The following MPP7 variants were observed in gnomAD, a reference collection of about 807,000 sequenced individuals.
The protein encoded by MPP7 is MAGUK p55 scaffold protein 7.
MPP7 carries 60 observed loss-of-function variants against 76.5 expected under a neutral mutation model. The ratio of observed to expected loss-of-function variants is 0.78; its 90% CI spans 0.64 to 0.97. MPP7 has a LOEUF of 0.97. Among genes scored for constraint, MPP7 ranks in the 50% least tolerant of loss-of-function variants. The pLI, the probability that MPP7 is intolerant of heterozygous loss-of-function variation, is 0.00. For synonymous variants in MPP7, 237 were observed against 244.5 expected (o/e 0.97, Z 0.29); for missense variants, 641 against 694.0 (o/e 0.92, Z 0.86).
At chr10:28,124,562 G>A (rs960575154) in intron 7 of MPP7, among the ~76,000 whole-genome samples, 2 of 121,216 alleles carry the variant, frequency 1.6e-5, no homozygotes, top group Non-Finnish European at 3.2e-5. Context: ...CGCAACCTCC[G>A]CCTCCCAGGT....
intron 2 of MPP7, among the ~76,000 whole-genome samples, chr10:28,218,224 T>TG (rs1455275363): frequency 6.6e-6 from 1 of 152,018 alleles, no homozygotes; most frequent in African/African-American, 2.4e-5. Context: ...AATCGGACGC[T>TG]GGAAAGGAGT....
intron 5 of MPP7, among the ~76,000 whole-genome samples, chr10:28,140,477 C>T (rs907261538): frequency 6.6e-6 from 1 of 151,406 alleles, no homozygotes; most frequent in Non-Finnish European, 1.5e-5. Flanking sequence ...CGCCACTGTA[C>T]GTCAGCCTGG....
In MPP7 at chr10:28,102,067, A is replaced by G. The variant is rs558689425; in HGVS notation, c.953-12226T>C. Among the ~76,000 whole-genome samples the G allele has an allele frequency of 2.1e-5, 3 of 144,194 alleles. No individual in the cohort carries two copies. The South Asian group carries it at 7.3e-4, about 35-fold the overall frequency. 94.6% of individuals were successfully genotyped at this position (144,194 alleles called of 152,430 possible). A position where few individuals can be genotyped will look rare whatever the true frequency, so the allele number is the denominator to read the frequency against. On this transcript the variant is annotated intron_variant, in intron 11 of 16. Transcript: ENST00000683449. ...GCAGCCCTTGACTTGCGGACATTCA[A>G]CTTTAAATGGTGTAAATTTCTGCAA...
At chr10:28,124,153 C>T in intron 7 of MPP7, 37 bp from the exon 8 acceptor site, 3 of 1,362,582 alleles carry the variant, frequency 2.2e-6, no homozygotes, top group East Asian at 2.3e-5. Context: ...AGCAGTGTTA[C>T]CCACAACCAA....
rs184797455 is a variant in MPP7, at chr10:28,160,751, G to A, written c.157-10692C>T. Among the ~76,000 whole-genome samples the A allele has an allele frequency of 4.6e-4, 70 of 152,188 alleles. 1 individual carries two copies. The highest frequency in any genetic ancestry group is 4.5e-3 in the Admixed American group (69 of 15,278). ...TTAATACTTTTTCCCTTACAAACAC[G>A]GTCTTCTGAATCTGGCAATTTACCT... On this transcript the variant is annotated intron_variant, in intron 3 of 16. Transcript: ENST00000683449.
intron 2 of MPP7, 23 bp from the exon 3 acceptor site, chr10:28,202,294 A>C (rs757482610): frequency 1.3e-6 from 2 of 1,534,188 alleles, no homozygotes; most frequent in Non-Finnish European, 1.8e-6. Context: ...AATAAAACAC[A>C]AAGTGTAATC....
chr10:28,055,828 G>C (rs10508729), intron 16 of MPP7, among the ~76,000 whole-genome samples: 3,692 of 152,194 alleles, frequency 0.024, 98 homozygotes, highest in East Asian at 0.12. Context: ...TTATACAAAT[G>C]TTCAGCCTAC....
At chr10:28,118,721 T>A (rs1834735126) in intron 11 of MPP7, 3 of 985,342 alleles carry the variant, frequency 3.0e-6, no homozygotes, top group Non-Finnish European at 1.2e-6. Context: ...TGCTCCACTT[T>A]AAGCATTTGC....
chr10:28,098,940 G>A (rs1284057931), intron 11 of MPP7, among the ~76,000 whole-genome samples: 2 of 151,996 alleles, frequency 1.3e-5, no homozygotes, highest in East Asian at 1.9e-4. Context: ...TTACAGTTTC[G>A]AAACTTACAA....
chr10:28,300,574 C>CATAA (rs987231409), intron 1 of MPP7, among the ~76,000 whole-genome samples: 1 of 151,986 alleles, frequency 6.6e-6, no homozygotes, highest in African/African-American at 2.4e-5. Flanking sequence ...GAAGAGTTGC[C>CATAA]TTATATGTTA....
chr10:28,288,711 A>C (rs1840842927), intron 1 of MPP7, among the ~76,000 whole-genome samples: 1 of 152,154 alleles, frequency 6.6e-6, no homozygotes, highest in African/African-American at 2.4e-5. Flanking sequence ...TGCAGCTCCA[A>C]GGATATGGAG....
chr10:28,281,620 T>G (rs543112517), intron 1 of MPP7, among the ~76,000 whole-genome samples: 1 of 152,210 alleles, frequency 6.6e-6, no homozygotes, highest in South Asian at 2.1e-4. Flanking sequence ...ATACTGTTAA[T>G]TAATAATAGC....
chr10:28,054,386 C>A, intron 16 of MPP7, 142 bp from the exon 17 acceptor site: 1 of 571,716 alleles, frequency 1.7e-6, no homozygotes, highest in Non-Finnish European at 3.0e-6. Flanking sequence ...AAGTCATCCT[C>A]TTTAACCACA....
intron 11 of MPP7, among the ~76,000 whole-genome samples, chr10:28,113,650 C>A (rs1235806466): frequency 6.6e-6 from 1 of 152,130 alleles, no homozygotes; most frequent in Admixed American, 6.5e-5. Flanking sequence ...ACAGCCACGA[C>A]CACCTCCCCT....
intron 2 of MPP7, among the ~76,000 whole-genome samples, chr10:28,321,907 A>G (rs1834371777): frequency 6.6e-6 from 1 of 150,890 alleles, no homozygotes; most frequent in Non-Finnish European, 1.5e-5. Flanking sequence ...GAATTTATTT[A>G]GACTGCATTA....
upstream of MPP7, among the ~76,000 whole-genome samples, chr10:28,303,776 T>C (rs1000409508): frequency 6.6e-6 from 1 of 152,192 alleles, no homozygotes; most frequent in African/African-American, 2.4e-5. Flanking sequence ...GTAAACATGC[T>C]TAATATCTGA....
chr10:28,315,190 GGGAAGGAA>G (rs539394658), intron 2 of MPP7, among the ~76,000 whole-genome samples: 3 of 146,458 alleles, frequency 2.0e-5, no homozygotes, highest in Admixed American at 1.4e-4. Context: ...AAGAGAAGGA[GGGAAGGAA>G]GGAAGGAAGG....
chr10:28,258,612 C>G (rs1229605681), intron 1 of MPP7, among the ~76,000 whole-genome samples: 1 of 151,832 alleles, frequency 6.6e-6, no homozygotes, highest in Non-Finnish European at 1.5e-5. Flanking sequence ...GTTCACCAGG[C>G]TGGTCTTCAA....
intron 1 of MPP7, among the ~76,000 whole-genome samples, chr10:28,288,570 T>C (rs1318784742): frequency 6.6e-6 from 1 of 152,164 alleles, no homozygotes; most frequent in Non-Finnish European, 1.5e-5. Context: ...AATTCATAAA[T>C]ACTCTAAAAT....
Sources: gnomAD v4.1 joint callset for allele counts (sites outside exome capture counted in the v4.1 genomes callset) on GRCh38, gnomAD v4.1.1 for gene constraint, MANE v1.5 for transcripts, NCBI Gene and HGNC (gene_info 2026-07-23, HGNC 2026-07-21) for gene names.